Variants in DOCK10 observed in about 807,000 individuals in gnomAD.
The protein encoded by DOCK10 is dedicator of cytokinesis 10.
A neutral mutation model predicts 280.1 loss-of-function variants in DOCK10; 145 were observed. The observed-to-expected ratio is 0.52, with a 90% confidence interval of 0.45 to 0.59. DOCK10 has a LOEUF of 0.59. Among genes scored for constraint, DOCK10 ranks in the 20% least tolerant of loss-of-function variants. DOCK10 has a pLI of 0.00. For missense variants in DOCK10, 2,368 were observed against 2,651.7 expected (o/e 0.89, Z 2.35); for synonymous variants, 915 against 942.2 (o/e 0.97, Z 0.53).
intron 1 of DOCK10, among the ~76,000 whole-genome samples, chr2:225,014,645 T>G (rs1464151981): frequency 6.6e-6 from 1 of 152,184 alleles, no homozygotes; most frequent in Non-Finnish European, 1.5e-5. Context: ...TTTTCTCTTC[T>G]GCAAGTTTAG....
intron 1 of DOCK10, among the ~76,000 whole-genome samples, chr2:225,026,222 C>T (rs16866471): frequency 0.054 from 8,234 of 152,132 alleles, 734 homozygotes; most frequent in African/African-American, 0.19. Flanking sequence ...AGCTAGATGC[C>T]AGAAAGGTAG....
At position 225,018,289 on chromosome 2, in the gene DOCK10, C is replaced by T. The variant is rs190159032; in HGVS notation, c.123+23963G>A. ...TTTCTTAACAGTTTGAAGGGAGAAA[C>T]GCTAACCCAGGGGTAGGTATGGAAT... On this transcript the variant is annotated intron_variant, in intron 1 of 55. Coordinates refer to ENST00000258390, the MANE Select transcript of DOCK10 (RefSeq NM_014689.3). Among the ~76,000 whole-genome samples the T allele has an allele frequency of 1.5e-4, 23 of 151,648 alleles. 2 individuals are homozygous for T. The East Asian group carries it at 4.1e-3, about 27-fold the overall frequency.
At chr2:224,798,069 T>G (rs1692708561) in intron 41 of DOCK10, 100 bp from the exon 42 acceptor site, 2 of 1,158,880 alleles carry the variant, frequency 1.7e-6, no homozygotes, top group Non-Finnish European at 2.5e-6. Flanking sequence ...AAGGCACTAT[T>G]TTGAGTGCTA....
intron 30 of DOCK10, among the ~76,000 whole-genome samples, chr2:224,814,624 C>T (rs1172019105): frequency 3.3e-5 from 5 of 152,052 alleles, no homozygotes; most frequent in African/African-American, 7.2e-5. Context: ...TGGATTCAAG[C>T]GATTTTCCTG....
chr2:224,962,146 T>C (rs918964926), intron 1 of DOCK10, among the ~76,000 whole-genome samples: 2 of 152,152 alleles, frequency 1.3e-5, no homozygotes, highest in African/African-American at 4.8e-5. Context: ...AAATCACACA[T>C]CTCTACCAGG....
chr2:224,874,565 T>C, intron 9 of DOCK10, 101 bp downstream of exon 9: 8 of 1,204,672 alleles, frequency 6.6e-6, no homozygotes, highest in East Asian at 2.3e-5. Context: ...ATTAGCTTCT[T>C]GGTCTAAATC....
Position 225,035,565 on chromosome 2 carries a change from T to G in DOCK10, c.123+6687A>C, listed in dbSNP as rs1271809105. 8.7e-4 allele frequency among the ~76,000 whole-genome samples: 48 copies of G among 54,870 alleles called. 1 individual carries two copies. In the East Asian group the frequency reaches 0.018, roughly 20 times the overall value. 36.0% of individuals were successfully genotyped at this position (54,870 alleles called of 152,430 possible). The stretch of plus-strand genomic sequence containing the variant: ...TATTATATATATATATATATATATA[T>G]ATATATATATATATATATATATAAC... On this transcript the variant is annotated intron_variant, in intron 1 of 55. Transcript: ENST00000258390.
intron 3 of DOCK10, among the ~76,000 whole-genome samples, chr2:224,899,600 A>G (rs1333558836): frequency 6.6e-6 from 1 of 152,228 alleles, no homozygotes; most frequent in East Asian, 1.9e-4. Flanking sequence ...GCTGGTTAGC[A>G]TGGAGCTCAC....
At chr2:224,960,901 G>A (rs561119132) in intron 1 of DOCK10, among the ~76,000 whole-genome samples, 4 of 151,946 alleles carry the variant, frequency 2.6e-5, no homozygotes, top group Non-Finnish European at 5.9e-5. Context: ...CACCGCGCCC[G>A]GCTAATTTTT....
chr2:225,005,478 G>A (rs62188015), intron 1 of DOCK10, among the ~76,000 whole-genome samples: 2,955 of 152,274 alleles, frequency 0.019, 38 homozygotes, highest in Non-Finnish European at 0.029. Context: ...CCAAATCATA[G>A]TATTACCTGT....
intron 42 of DOCK10, 90 bp from the exon 43 acceptor site, chr2:224,797,236 C>T: frequency 5.9e-6 from 6 of 1,012,474 alleles, no homozygotes; most frequent in South Asian, 5.8e-5. Flanking sequence ...AAAACAAAAT[C>T]CCTCTCCTTT....
At chr2:224,851,476 C>G in intron 18 of DOCK10, among the ~76,000 whole-genome samples, 1 of 140,294 alleles carries the variant, frequency 7.1e-6, no homozygotes, top group Admixed American at 7.0e-5. Flanking sequence ...AAAAAAAAGA[C>G]TCTTTTTTAT....
chr2:225,019,338 G>A (rs1424185698), intron 1 of DOCK10, among the ~76,000 whole-genome samples: 1 of 152,096 alleles, frequency 6.6e-6, no homozygotes, highest in Non-Finnish European at 1.5e-5. Context: ...CTAAATACAT[G>A]GTCTGGGTTT....
intron 14 of DOCK10, chr2:224,861,153 A>G (rs1381824151): frequency 1.3e-5 from 2 of 152,228 alleles, no homozygotes; most frequent in Non-Finnish European, 2.9e-5. Context: ...AAACAAATTC[A>G]TTATAAAGGG....
intron 55 of DOCK10, among the ~76,000 whole-genome samples, chr2:224,766,847 A>G (rs1356814225): frequency 1.3e-5 from 2 of 152,220 alleles, no homozygotes; most frequent in Non-Finnish European, 2.9e-5. Context: ...TGGCACCTAT[A>G]AAAGCAATTA....
At chr2:224,811,183 G>A (rs1574860757) in intron 31 of DOCK10, among the ~76,000 whole-genome samples, 1 of 152,180 alleles carries the variant, frequency 6.6e-6, no homozygotes, top group African/African-American at 2.4e-5. Context: ...CATTCTAGCT[G>A]GTGTGAGATG....
chr2:224,976,876 G>T (rs977694859), intron 1 of DOCK10, among the ~76,000 whole-genome samples: 2 of 152,084 alleles, frequency 1.3e-5, no homozygotes, highest in African/African-American at 4.8e-5. Context: ...ATTTAAAACT[G>T]TGAAAATCAT....
chr2:225,042,115 G>T lies in DOCK10; in HGVS notation c.123+137C>A. 2 of 1,050,238 alleles carry T rather than the reference G, an allele frequency of 1.9e-6. No homozygotes were observed. Among genetic ancestry groups the T allele is most frequent in the Non-Finnish European group, 2.4e-6 (2 of 829,226 alleles). The allele number at this position is 1,050,238 out of a possible 1,614,324, so 65.1% of individuals were successfully genotyped here. A position where few individuals can be genotyped will look rare whatever the true frequency, so the allele number is the denominator to read the frequency against. ...TGGCGCCGGGGGAGCCCGCAGAGGC[G>T]GCGGGGGAGGGAGTGCGGAGGAGAG... On this transcript the variant is annotated intron_variant, in intron 1 of 55. Coordinates refer to ENST00000258390, the MANE Select transcript of DOCK10 (RefSeq NM_014689.3). The surrounding 1 kb of genome is among the most constrained non-coding windows in gnomAD (Gnocchi z 5.1).
intron 18 of DOCK10, among the ~76,000 whole-genome samples, chr2:224,851,792 A>G (rs925374343): frequency 6.6e-6 from 1 of 152,172 alleles, no homozygotes; most frequent in East Asian, 1.9e-4. Context: ...TCAAATATGA[A>G]CTCTAAAAAA....
Sources: gnomAD v4.1 joint callset for allele counts (sites outside exome capture counted in the v4.1 genomes callset) on GRCh38, gnomAD v4.1.1 for gene constraint, Gnocchi (gnomAD v3.1) non-coding constraint, MANE v1.5 for transcripts, NCBI Gene and HGNC (gene_info 2026-07-23, HGNC 2026-07-21) for gene names.